The following HECTD2 variants were observed in gnomAD, a reference collection of about 807,000 sequenced individuals.
The protein encoded by HECTD2 is HECT domain E3 ubiquitin protein ligase 2.
HECTD2 carries 35 observed loss-of-function variants against 103.2 expected under a neutral mutation model. The observed-to-expected ratio is 0.34, with a 90% CI of 0.26 to 0.45. HECTD2 has a LOEUF of 0.45. Ranked by LOEUF, HECTD2 falls within the 20% of genes least tolerant of loss-of-function variation. The probability of loss-of-function intolerance (pLI) is 1.00; values close to 1 mark genes in which losing one functional copy is unlikely to be tolerated. For missense variants in HECTD2, 596 were observed against 937.4 expected, an observed-to-expected ratio of 0.64 and a Z score of 4.76; for synonymous variants, 281 against 329.9, an observed-to-expected ratio of 0.85 and a Z score of 1.61.
Position 91,484,540 on chromosome 10 carries a change from G to C in HECTD2, c.855G>C (p.Glu285Asp). ...AGAAGAGGTTCAAACAATTGGTAGA[G>C]AGATTGCTGCAATTTATTTCTTTAC... ...LSQKRFKQLV[E>D]RLLQFISLRL... Residue 285 changes from glutamate (E) to aspartate (D), a missense_variant, in exon 9 of 21, where the codon GAG becomes GAC. Physicochemically the swap from Glu to Asp is conservative, Grantham distance 45. Coordinates refer to ENST00000298068, the MANE Select transcript of HECTD2 (RefSeq NM_182765.6). 1 of 1,611,242 alleles carries C rather than the reference G, an allele frequency of 6.2e-7. No individual in the cohort carries two copies. Among genetic ancestry groups the C allele is most frequent in the Non-Finnish European group, 8.5e-7 (1 of 1,178,674 alleles).
intron 7 of HECTD2, among the ~76,000 whole-genome samples, chr10:91,481,585 T>C (rs564947352): frequency 3.1e-4 from 47 of 151,722 alleles, no homozygotes; most frequent in Admixed American, 5.3e-4. Context: ...AGAATTCTTA[T>C]GGAAAGATAA....
chr10:91,423,736 T>C (rs1363694337), intron 1 of HECTD2, among the ~76,000 whole-genome samples: 1 of 152,186 alleles, frequency 6.6e-6, no homozygotes, highest in East Asian at 1.9e-4. Flanking sequence ...AAATTTATTC[T>C]CTTTGGGCTC....
rs747656116 is a variant in HECTD2 at position 91,482,984 on chromosome 10, C to T, written c.729C>T (p.Asn243=). The change falls in exon 8 of 21, where the codon AAC becomes AAT. Residue 243 remains asparagine, a synonymous_variant. Transcript: ENST00000298068. ...FILLQNPQFN[N]TSTYVIYAHL... ...TTTTTCAGAATCCTCAGTTTAATAA[C>T]ACATCTACGTATGTCATCTATGCTC... 3.9e-6 allele frequency: 6 copies of T among 1,519,736 alleles called. No individual in the cohort carries two copies. The East Asian group carries it at 1.4e-4, about 35-fold the overall frequency. 94.1% of individuals were successfully genotyped at this position (1,519,736 alleles called of 1,614,324 possible). A position where few individuals can be genotyped will look rare whatever the true frequency, so the allele number is the denominator to read the frequency against.
chr10:91,493,386 T>A (rs752018378), intron 13 of HECTD2, 34 bp from the exon 14 acceptor site: 3 of 1,195,596 alleles, frequency 2.5e-6, no homozygotes, highest in South Asian at 3.2e-5. Context: ...AAGTCAATCA[T>A]GTTAATAATA....
At chr10:91,470,655 C>T (rs945128078) in intron 5 of HECTD2, among the ~76,000 whole-genome samples, 6 of 151,802 alleles carry the variant, frequency 4.0e-5, no homozygotes, top group African/African-American at 1.5e-4. Flanking sequence ...ACAAACTAAC[C>T]CCAAAGCTAG....
At chr10:91,502,629 T>G (rs1346805074) in intron 20 of HECTD2, among the ~76,000 whole-genome samples, 1 of 152,122 alleles carries the variant, frequency 6.6e-6, no homozygotes, top group Non-Finnish European at 1.5e-5. Flanking sequence ...ATTAAATTTC[T>G]AAACAAAATT....
chr10:91,417,185 C>T (rs1005377877), intron 1 of HECTD2, among the ~76,000 whole-genome samples: 3 of 151,992 alleles, frequency 2.0e-5, no homozygotes, highest in African/African-American at 7.3e-5. Flanking sequence ...TGAAGAATCC[C>T]TTCTTGAGTG....
intron 2 of HECTD2, among the ~76,000 whole-genome samples, chr10:91,454,898 C>T (rs563946209): frequency 6.6e-6 from 1 of 152,206 alleles, no homozygotes; most frequent in East Asian, 1.9e-4. Context: ...AGGACATGAA[C>T]TCATCCTTTT....
At chr10:91,419,743 C>A (rs1214387578) in intron 1 of HECTD2, among the ~76,000 whole-genome samples, 2 of 151,950 alleles carry the variant, frequency 1.3e-5, no homozygotes, top group Non-Finnish European at 2.9e-5. Context: ...TCCCTGTGTT[C>A]TCTATTTGTA....
intron 10 of HECTD2, chr10:91,486,698 T>C (rs552068808): frequency 1.3e-5 from 2 of 152,304 alleles, no homozygotes; most frequent in Admixed American, 6.5e-5. Flanking sequence ...GTAAAACTAA[T>C]ATATATCTTA....
chr10:91,500,399 T>A, intron 18 of HECTD2, 103 bp from the exon 19 acceptor site: 1 of 495,066 alleles, frequency 2.0e-6, no homozygotes, highest in Non-Finnish European at 3.7e-6. Context: ...TGATTTACTA[T>A]GAGAAATCAT....
chr10:91,499,301 C>T, intron 18 of HECTD2, 151 bp downstream of exon 18: 2 of 564,830 alleles, frequency 3.5e-6, no homozygotes, highest in Non-Finnish European at 6.2e-6. Flanking sequence ...AAATAGTTCT[C>T]TCATTTCAGT....
Position 91,410,532 on chromosome 10 carries a change from G to C in HECTD2, c.94G>C (p.Glu32Gln), listed in dbSNP as rs1231282992. The C allele has an allele frequency of 1.1e-5, 16 of 1,470,300 alleles. No homozygotes were observed. The highest frequency in any genetic ancestry group is 1.4e-5 in the Non-Finnish European group (16 of 1,113,454). 91.1% of individuals were successfully genotyped at this position (1,470,300 alleles called of 1,614,324 possible). A position where few individuals can be genotyped will look rare whatever the true frequency, so the allele number is the denominator to read the frequency against. ...EERKGKESER[E>Q]KLPPIVSAGA... Reference sequence around the variant, plus strand: ...GAGGAAAGGGAAGGAGTCAGAGCGCGAGAAGCTGCCGCCCATCGTATCGGC... The same window carrying C: ...GAGGAAAGGGAAGGAGTCAGAGCGCCAGAAGCTGCCGCCCATCGTATCGGC... The change falls in exon 1 of 21, where the codon GAG (glutamate) becomes CAG (glutamine). Residue 32 changes from glutamate to glutamine, a missense_variant. Transcript: ENST00000298068.
chr10:91,471,634 T>C (rs897916941), intron 5 of HECTD2, among the ~76,000 whole-genome samples: 4 of 152,138 alleles, frequency 2.6e-5, no homozygotes, highest in African/African-American at 9.7e-5. Flanking sequence ...GCAAAATCAA[T>C]ATATAAAAAT....
intron 6 of HECTD2, among the ~76,000 whole-genome samples, chr10:91,479,075 G>A (rs1846002134): frequency 6.6e-6 from 1 of 152,122 alleles, no homozygotes; most frequent in African/African-American, 2.4e-5. Flanking sequence ...TTAGCCAGAT[G>A]TGGTTGCACC....
chr10:91,495,710 A>G (rs543641000), intron 14 of HECTD2, among the ~76,000 whole-genome samples: 2 of 152,226 alleles, frequency 1.3e-5, no homozygotes, highest in East Asian at 3.9e-4. Flanking sequence ...TACCTATCCT[A>G]TTAGCTTATC....
intron 14 of HECTD2, 70 bp from the exon 15 acceptor site, chr10:91,496,144 C>G: frequency 9.9e-7 from 1 of 1,008,046 alleles, no homozygotes; most frequent in Non-Finnish European, 1.4e-6. Flanking sequence ...AAAAAATAGA[C>G]TGATGCATAA....
intron 2 of HECTD2, among the ~76,000 whole-genome samples, chr10:91,444,607 C>A (rs969786373): frequency 2.6e-5 from 4 of 152,140 alleles, no homozygotes; most frequent in African/African-American, 9.7e-5. Flanking sequence ...TAACAGACTG[C>A]AGCTGTTCTC....
At chr10:91,413,477 A>T (rs559019235) in intron 1 of HECTD2, among the ~76,000 whole-genome samples, 1 of 152,336 alleles carries the variant, frequency 6.6e-6, no homozygotes, top group Admixed American at 6.5e-5. Flanking sequence ...CAGTAGAATT[A>T]ACTGAGAAAC....
Sources: gnomAD v4.1 joint callset for allele counts (sites outside exome capture counted in the v4.1 genomes callset) on GRCh38, gnomAD v4.1.1 for gene constraint, MANE v1.5 for transcripts, NCBI Gene and HGNC (gene_info 2026-07-23, HGNC 2026-07-21) for gene names.